The following PEBP4 variants were observed in gnomAD, a reference collection of about 807,000 sequenced individuals.
PEBP4 encodes the protein phosphatidylethanolamine-binding protein 4.
Under a neutral mutation model 23.9 loss-of-function variants are expected in PEBP4, and 22 were observed. The observed-to-expected ratio is 0.92, with a 90% CI of 0.66 to 1.31. The LOEUF is 1.31. PEBP4 is among the 40% of genes most tolerant of loss of function. The pLI is 0.00. For missense variants in PEBP4, 324 were observed against 281.7 expected, an observed-to-expected ratio of 1.15 and a Z score of -1.07; for synonymous variants, 112 against 99.3, an observed-to-expected ratio of 1.13 and a Z score of -0.76.
Position 22,921,699 on chromosome 8 carries a change from G to T in PEBP4, c.132-1389C>A, listed in dbSNP as rs535389762. On this transcript the variant is annotated intron_variant, in intron 2 of 6. Coordinates refer to ENST00000256404, the MANE Select transcript of PEBP4 (RefSeq NM_144962.3). ...GATGAGTCATGGGCTTGCTGAGCAA[G>T]TTTGTTTCTTCTAACTCTTTGCGCA... is the stretch of plus-strand genomic sequence containing the variant. Among the ~76,000 whole-genome samples the T allele has an allele frequency of 4.4e-4, 67 of 152,376 alleles. 1 individual carries two copies. The South Asian group carries it at 5.2e-3, about 12-fold the overall frequency.
chr8:22,881,999 T>A (rs963025981), intron 3 of PEBP4, among the ~76,000 whole-genome samples: 1 of 152,144 alleles, frequency 6.6e-6, no homozygotes, highest in Non-Finnish European at 1.5e-5. Flanking sequence ...CCTGGCTCAA[T>A]GGGGCAGATG....
At chr8:22,743,902 G>A (rs1805053890) in intron 4 of PEBP4, among the ~76,000 whole-genome samples, 1 of 152,182 alleles carries the variant, frequency 6.6e-6, no homozygotes, top group Non-Finnish European at 1.5e-5. Context: ...AGTAACACCT[G>A]TGTTTTGCTT....
At chr8:22,821,021 T>G (rs1023433884) in intron 3 of PEBP4, among the ~76,000 whole-genome samples, 3 of 151,928 alleles carry the variant, frequency 2.0e-5, no homozygotes, top group Non-Finnish European at 4.4e-5. Context: ...GGCAAAATCT[T>G]GTCTCTACAA....
At chr8:22,818,278 C>T (rs1395951806) in intron 3 of PEBP4, among the ~76,000 whole-genome samples, 1 of 152,118 alleles carries the variant, frequency 6.6e-6, no homozygotes, top group Non-Finnish European at 1.5e-5. Context: ...AAGGTCCATA[C>T]TTTCAGGAAG....
intron 3 of PEBP4, among the ~76,000 whole-genome samples, chr8:22,913,029 G>A (rs191916033): frequency 2.0e-5 from 3 of 152,168 alleles, no homozygotes; most frequent in Non-Finnish European, 1.5e-5. Flanking sequence ...TGGAACCTTG[G>A]AAAGTCCAAC....
At chr8:22,914,365 G>T (rs1021528262) in intron 3 of PEBP4, among the ~76,000 whole-genome samples, 1 of 152,100 alleles carries the variant, frequency 6.6e-6, no homozygotes, top group Non-Finnish European at 1.5e-5. Context: ...CAAAGTGCTG[G>T]GATTAGAGAT....
intron 4 of PEBP4, among the ~76,000 whole-genome samples, chr8:22,791,324 G>A (rs1320736359): frequency 6.6e-6 from 1 of 152,132 alleles, no homozygotes; most frequent in African/African-American, 2.4e-5. Context: ...GGTAGAGAGA[G>A]GAGTTTTGAG....
chr8:22,888,131 G>A (rs1808420689), intron 3 of PEBP4: 1 of 150,608 alleles, frequency 6.6e-6, no homozygotes, highest in African/African-American at 2.4e-5. Flanking sequence ...GCCAACCTAG[G>A]ATGTTTGGCC....
At chr8:22,830,402 C>T (rs1312277874) in intron 3 of PEBP4, among the ~76,000 whole-genome samples, 1 of 152,114 alleles carries the variant, frequency 6.6e-6, no homozygotes, top group East Asian at 1.9e-4. Flanking sequence ...CCTGCCTCGG[C>T]CTCCCAAAGT....
At chr8:22,818,613 T>G (rs147210050) in intron 3 of PEBP4, among the ~76,000 whole-genome samples, 2 of 152,230 alleles carry the variant, frequency 1.3e-5, no homozygotes, top group East Asian at 3.9e-4. Context: ...CAGAACTGTT[T>G]CAGGGTTTGG....
At chr8:22,796,257 CGTGTGTGT>C (rs34887072) in intron 4 of PEBP4, among the ~76,000 whole-genome samples, 39 of 149,864 alleles carry the variant, frequency 2.6e-4, no homozygotes, top group South Asian at 6.4e-4. Context: ...CTCAAGTGTG[CGTGTGTGT>C]GTGTGTGTGT....
chr8:22,739,436 C>T (rs531953170), intron 4 of PEBP4, among the ~76,000 whole-genome samples: 16 of 152,274 alleles, frequency 1.1e-4, no homozygotes, highest in South Asian at 2.1e-4. Context: ...CCAGTCTTTC[C>T]GGCTGGGTGG....
At chr8:22,806,821 G>C (rs1355225765) in intron 4 of PEBP4, among the ~76,000 whole-genome samples, 1 of 152,132 alleles carries the variant, frequency 6.6e-6, no homozygotes, top group Non-Finnish European at 1.5e-5. Flanking sequence ...TACCACAATT[G>C]ACTTGTTCTA....
chr8:22,864,628 A>T (rs758691784), intron 3 of PEBP4, among the ~76,000 whole-genome samples: 5 of 152,210 alleles, frequency 3.3e-5, no homozygotes, highest in Non-Finnish European at 7.3e-5. Flanking sequence ...AGCGGCTTCC[A>T]TTCATTAGCA....
At chr8:22,782,030 G>A (rs753788278) in intron 4 of PEBP4, among the ~76,000 whole-genome samples, 9 of 152,316 alleles carry the variant, frequency 5.9e-5, no homozygotes, top group Non-Finnish European at 8.8e-5. Context: ...CTGGGATTCC[G>A]TCTTGTTCTT....
At chr8:22,802,432 T>C (rs989148745) in intron 4 of PEBP4, among the ~76,000 whole-genome samples, 2 of 152,214 alleles carry the variant, frequency 1.3e-5, no homozygotes, top group South Asian at 2.1e-4. Flanking sequence ...CCAAAGCTGC[T>C]AGCTGACTCC....
At position 22,748,010 on chromosome 8, in the gene PEBP4, G is replaced by T. The variant is rs76509932; in HGVS notation, c.358-20790C>A. Among the ~76,000 whole-genome samples, 710 of 152,332 alleles carry T rather than the reference G, an allele frequency of 4.7e-3. 9 individuals are homozygous for T. The highest frequency in any genetic ancestry group is 0.016 in the African/African-American group (665 of 41,582). On this transcript the variant is annotated intron_variant, in intron 4 of 6. Coordinates refer to ENST00000256404, the MANE Select transcript of PEBP4 (RefSeq NM_144962.3). The stretch of plus-strand genomic sequence containing the variant: ...CGGAGGAAAGGCTGGCCCTTGCCTG[G>T]ACTTGGGCCCTGGCTTATGCAATGC...
chr8:22,750,194 C>A (rs182019156), intron 4 of PEBP4, among the ~76,000 whole-genome samples: 20 of 150,870 alleles, frequency 1.3e-4, no homozygotes, highest in African/African-American at 4.1e-4. Context: ...CTCCACCTCG[C>A]GGGTTCAAGC....
At chr8:22,843,995 G>A (rs549818648) in intron 3 of PEBP4, among the ~76,000 whole-genome samples, 4 of 152,268 alleles carry the variant, frequency 2.6e-5, no homozygotes, top group Admixed American at 2.0e-4. Flanking sequence ...GCACAAAAGC[G>A]CTGATTCAGT....
Sources: allele counts gnomAD v4.1 joint callset (sites outside exome capture counted in the v4.1 genomes callset), GRCh38; gene constraint gnomAD v4.1.1; transcripts MANE v1.5; gene names NCBI Gene and HGNC (gene_info 2026-07-23, HGNC 2026-07-21).